The following CDH8 variants were observed in gnomAD, a reference collection of about 807,000 sequenced individuals.
CDH8 encodes cadherin-8.
In CDH8, 17 loss-of-function variants were observed where a neutral mutation model predicts 68.1. The ratio of observed to expected loss-of-function variants is 0.25; its 90% confidence interval spans 0.17 to 0.37. The LOEUF (loss-of-function observed/expected upper bound fraction) is 0.37, where lower values mean the gene tolerates loss of function less well. Ranked by LOEUF, CDH8 falls within the 10% of genes least tolerant of loss-of-function variation. The pLI is 1.00. For synonymous variants in CDH8, 372 were observed against 365.1 expected (o/e 1.02, Z -0.21); for missense variants, 763 against 999.3 (o/e 0.76, Z 3.19).
At chr16:61,783,938 G>A (rs1370080896) in intron 8 of CDH8, among the ~76,000 whole-genome samples, 14 of 152,194 alleles carry the variant, frequency 9.2e-5, no homozygotes, top group South Asian at 4.2e-4. Flanking sequence ...TGAAGGAAGC[G>A]CTAAACATGG....
intron 10 of CDH8, among the ~76,000 whole-genome samples, chr16:61,697,636 G>A (rs752174072): frequency 6.6e-6 from 1 of 152,102 alleles, no homozygotes; most frequent in Non-Finnish European, 1.5e-5. Context: ...GAGTAGCTGG[G>A]ATTGCAGGCC....
chr16:62,016,503 G>A (rs1439942796), intron 2 of CDH8, among the ~76,000 whole-genome samples: 1 of 152,120 alleles, frequency 6.6e-6, no homozygotes, highest in African/African-American at 2.4e-5. Context: ...TAGTATTTTT[G>A]TGTTGTGGCC....
At chr16:61,747,779 TA>T (rs1051971894) in intron 8 of CDH8, among the ~76,000 whole-genome samples, 102 of 146,020 alleles carry the variant, frequency 7.0e-4, no homozygotes, top group South Asian at 2.8e-3. Context: ...CACACTAAAA[TA>T]AAAAAAAAAG....
intron 8 of CDH8, among the ~76,000 whole-genome samples, chr16:61,778,697 A>ATTCTCACTTATAACCAC (rs1960962466): frequency 6.6e-6 from 1 of 152,182 alleles, no homozygotes; most frequent in Non-Finnish European, 1.5e-5. Context: ...CCACAAGTTT[A>ATTCTCACTTATAACCAC]AAGAGTAATC....
At chr16:61,716,080 T>G (rs1964725211) in intron 9 of CDH8, among the ~76,000 whole-genome samples, 1 of 151,628 alleles carries the variant, frequency 6.6e-6, no homozygotes, top group African/African-American at 2.4e-5. Flanking sequence ...ATTCCTGAAG[T>G]GTGTGAGTGC....
At chr16:61,804,018 T>C (rs1328096509) in intron 7 of CDH8, among the ~76,000 whole-genome samples, 1 of 130,660 alleles carries the variant, frequency 7.7e-6, no homozygotes, top group Non-Finnish European at 1.6e-5. Context: ...AATATACATT[T>C]TTTTCAGCAC....
chr16:61,868,217 T>A (rs182156993), intron 3 of CDH8, among the ~76,000 whole-genome samples: 1 of 152,192 alleles, frequency 6.6e-6, no homozygotes, highest in Admixed American at 6.5e-5. Context: ...AACACTATAA[T>A]GTTTCTGAAT....
chr16:61,727,312 C>T (rs866223525), intron 8 of CDH8, 97 bp from the exon 9 acceptor site: 1 of 1,253,054 alleles, frequency 8.0e-7, no homozygotes, highest in Non-Finnish European at 1.1e-6. Context: ...TTTCCAACTT[C>T]CCTTAATTAG....
chr16:61,775,310 G>T (rs917187351), intron 8 of CDH8, among the ~76,000 whole-genome samples: 1 of 152,054 alleles, frequency 6.6e-6, no homozygotes, highest in Admixed American at 6.6e-5. Flanking sequence ...TTGGAGCAAA[G>T]GATTTTGAAT....
chr16:61,691,767 T>G (rs572886216), intron 10 of CDH8: 1 of 152,116 alleles, frequency 6.6e-6, no homozygotes, highest in South Asian at 2.1e-4. Context: ...TTTGTAGTAC[T>G]TGGCTCAAAC....
intron 9 of CDH8, among the ~76,000 whole-genome samples, chr16:61,722,113 T>C (rs1371024056): frequency 6.6e-6 from 1 of 150,796 alleles, no homozygotes; most frequent in African/African-American, 2.4e-5. Context: ...AAACTCTTTA[T>C]GTTCAATCTC....
intron 10 of CDH8, among the ~76,000 whole-genome samples, chr16:61,664,556 G>C (rs1963629102): frequency 6.6e-6 from 1 of 151,846 alleles, no homozygotes; most frequent in African/African-American, 2.4e-5. Context: ...TCAATTTCAG[G>C]CTATTGGAAA....
intron 7 of CDH8, among the ~76,000 whole-genome samples, chr16:61,812,992 C>T (rs748975842): frequency 2.0e-5 from 3 of 152,098 alleles, no homozygotes; most frequent in African/African-American, 7.2e-5. Flanking sequence ...AGTATGGTGT[C>T]GGATTCATCA....
chr16:61,751,559 G>T (rs960393664), intron 8 of CDH8, among the ~76,000 whole-genome samples: 4 of 151,968 alleles, frequency 2.6e-5, no homozygotes, highest in Admixed American at 2.6e-4. Flanking sequence ...TCTCAAATGT[G>T]CAGAATGCAT....
intron 7 of CDH8, among the ~76,000 whole-genome samples, chr16:61,814,602 A>G (rs1344672743): frequency 6.6e-6 from 1 of 152,198 alleles, no homozygotes; most frequent in Non-Finnish European, 1.5e-5. Flanking sequence ...GCTGGATAGC[A>G]AATTAAACGT....
chr16:61,972,614 T>G (rs1184944902), intron 2 of CDH8, among the ~76,000 whole-genome samples: 4 of 118,816 alleles, frequency 3.4e-5, no homozygotes, highest in Admixed American at 8.4e-5. Context: ...GTGTGTGTGT[T>G]TAATTGGGCC....
chr16:62,035,380 A>T (rs1459850800), intron 1 of CDH8, among the ~76,000 whole-genome samples: 2 of 152,112 alleles, frequency 1.3e-5, no homozygotes, highest in Non-Finnish European at 2.9e-5. Flanking sequence ...GCGGGGAGAC[A>T]CTGCCTGGGG....
At chr16:61,693,472 G>T (rs1265947971) in intron 10 of CDH8, 1 of 152,076 alleles carries the variant, frequency 6.6e-6, no homozygotes, top group Non-Finnish European at 1.5e-5. Context: ...TGCACTCTTA[G>T]CACAGGAAAA....
At chr16:61,685,195 A>C (rs1305374009) in intron 10 of CDH8, among the ~76,000 whole-genome samples, 1 of 151,872 alleles carries the variant, frequency 6.6e-6, no homozygotes, top group Non-Finnish European at 1.5e-5. Context: ...AAAAAAAAAA[A>C]AAAACCTACA....
Sources: allele counts gnomAD v4.1 joint callset (sites outside exome capture counted in the v4.1 genomes callset), GRCh38; gene constraint gnomAD v4.1.1; transcripts MANE v1.5; gene names NCBI Gene and HGNC (gene_info 2026-07-23, HGNC 2026-07-21).